Variants in HDAC4 observed in about 807,000 individuals in gnomAD.
The protein encoded by HDAC4 is histone deacetylase 4.
HDAC4 carries 16 observed loss-of-function variants against 135.1 expected under a neutral mutation model. The ratio of observed to expected loss-of-function variants is 0.12; its 90% confidence interval spans 0.08 to 0.18. HDAC4 has a LOEUF of 0.18. Among genes scored for constraint, HDAC4 ranks in the 10% least tolerant of loss-of-function variants. The pLI is 1.00. For missense variants in HDAC4, 1,143 were observed against 1,511.8 expected (o/e 0.76, Z 4.05); for synonymous variants, 685 against 653.4 (o/e 1.05, Z -0.74).
Position 239,313,909 on chromosome 2 carries a change from C to T in HDAC4, c.22+38769G>A, listed in dbSNP as rs188677377. ...CCTGCACTGCCTCTTACCACTGCAC[C>T]GTCCCTGTGAGTGTGCGTGGGGAGG... On this transcript the variant is annotated intron_variant, in intron 2 of 26. Transcript: ENST00000543185. The surrounding 1 kb of genome is among the most constrained non-coding windows in gnomAD (Gnocchi z 5.1). Among the ~76,000 whole-genome samples, 12 of 152,258 alleles carry T rather than the reference C, an allele frequency of 7.9e-5. No homozygotes were observed. Among genetic ancestry groups the T allele is most frequent in the Admixed American group, 5.2e-4 (8 of 15,290 alleles).
Position 239,236,324 on chromosome 2 carries a change from C to A in HDAC4, c.94+269G>T, listed in dbSNP as rs6757396. Among the ~76,000 whole-genome samples, 21,778 of 152,118 alleles carry A rather than the reference C, an allele frequency of 0.14. 2,191 individuals are homozygous for A. The highest frequency in any genetic ancestry group is 0.37 in the East Asian group (1,925 of 5,156). On this transcript the variant is annotated intron_variant, in intron 3 of 26. Transcript: ENST00000543185. ...TTACACCTAAGCCAGGCAGTTGGTG[C>A]CTTTGGGAAGAACACATCCTTTAGC...
intron 1 of HDAC4, among the ~76,000 whole-genome samples, chr2:239,390,469 G>T (rs1224060531): frequency 1.3e-5 from 2 of 152,180 alleles, no homozygotes; most frequent in Non-Finnish European, 2.9e-5. Context: ...GGAGATCAAG[G>T]TTGCAGTGAG....
rs988815529 is a variant in HDAC4, at chr2:239,052,901, G to A, written c.*196C>T. 2.6e-5 allele frequency: 17 copies of A among 643,486 alleles called. No homozygotes were observed. The highest frequency in any genetic ancestry group is 5.5e-5 in the East Asian group (2 of 36,354). The allele number at this position is 643,486 out of a possible 1,614,324, so 39.9% of individuals were successfully genotyped here. On this transcript the variant is annotated 3_prime_UTR_variant, in exon 27 of 27. Coordinates refer to ENST00000543185, the MANE Select transcript of HDAC4 (RefSeq NM_001378414.1). ...CCCGTGTTCCCTGTGAGGCTGCCAC[G>A]CCCAGGCGTGCATGTGCGTCTCGAG...
intron 16 of HDAC4, among the ~76,000 whole-genome samples, chr2:239,099,697 C>T (rs890411849): frequency 6.6e-6 from 1 of 152,202 alleles, no homozygotes; most frequent in Non-Finnish European, 1.5e-5. Flanking sequence ...CCCGCCTCCG[C>T]TAGGTACTCC....
chr2:239,119,224 G>A (rs1017815875), intron 12 of HDAC4, among the ~76,000 whole-genome samples: 2 of 152,232 alleles, frequency 1.3e-5, no homozygotes, highest in African/African-American at 4.8e-5. Flanking sequence ...GTGCACCGGA[G>A]GGAGAGCAAA....
chr2:239,159,585 C>T (rs2042658481), intron 6 of HDAC4, among the ~76,000 whole-genome samples: 1 of 151,824 alleles, frequency 6.6e-6, no homozygotes, highest in South Asian at 2.1e-4. Context: ...ACCTTTCCCA[C>T]ACCTCACACT....
At chr2:239,089,771 G>T in intron 18 of HDAC4, 9 of 498,946 alleles carry the variant, frequency 1.8e-5, no homozygotes, top group East Asian at 6.5e-5. Context: ...AGAGTATAAA[G>T]GGTTCTTAAG....
At position 239,068,445 on chromosome 2, in the gene HDAC4, ACATGAGCAGAACCGGCTCCTCAGT is replaced by A. The variant is rs1231116099; in HGVS notation, c.2869+20_2869+43del. The A allele has an allele frequency of 7.4e-7, 1 of 1,354,474 alleles. No homozygotes were observed. Among genetic ancestry groups the A allele is most frequent in the Admixed American group, 1.7e-5 (1 of 59,648 alleles). 83.9% of individuals were successfully genotyped at this position (1,354,474 alleles called of 1,614,324 possible). On this transcript the variant is annotated intron_variant, in intron 23 of 26. Transcript: ENST00000543185. This position sits in a 1 kb window ranked among gnomAD's most constrained non-coding sequence, Gnocchi z 4.4. ...ACACGCGGAACACAGCGGATCATGG[ACATGAGCAGAACCGGCTCCTCAGT>A]CATATGCAGAACCACTTACATCTGG... is the stretch of plus-strand genomic sequence containing the variant.
chr2:239,247,952 T>A (rs2048561642), intron 2 of HDAC4, among the ~76,000 whole-genome samples: 1 of 152,168 alleles, frequency 6.6e-6, no homozygotes, highest in Non-Finnish European at 1.5e-5. Context: ...ATGCCAAGTT[T>A]AAGGCAGCAT....
intron 2 of HDAC4, among the ~76,000 whole-genome samples, chr2:239,310,547 G>A (rs990865625): frequency 7.9e-5 from 12 of 152,232 alleles, no homozygotes; most frequent in African/African-American, 2.7e-4. Flanking sequence ...ACTGCGTAGG[G>A]CAGGACTGCC....
At chr2:239,288,088 A>C (rs2051238534) in intron 2 of HDAC4, among the ~76,000 whole-genome samples, 1 of 152,254 alleles carries the variant, frequency 6.6e-6, no homozygotes, top group African/African-American at 2.4e-5. Flanking sequence ...AGACCTTAAA[A>C]AAGGAAAATT....
chr2:239,383,225 A>C (rs551513062), intron 1 of HDAC4, among the ~76,000 whole-genome samples: 1 of 152,300 alleles, frequency 6.6e-6, no homozygotes, highest in Non-Finnish European at 1.5e-5. Flanking sequence ...GCTCCAGCCC[A>C]CAGGGGGAAT....
chr2:239,298,011 T>C (rs957080523), intron 2 of HDAC4, among the ~76,000 whole-genome samples: 3 of 152,048 alleles, frequency 2.0e-5, no homozygotes, highest in Non-Finnish European at 4.4e-5. Flanking sequence ...GATGCTGAGA[T>C]GAGAAGACAC....
rs750559742 is a variant in HDAC4 at position 239,066,671 on chromosome 2, C to A, written c.3003+51G>T. The A allele has an allele frequency of 1.9e-6, 3 of 1,611,926 alleles. No homozygotes were observed. In the African/African-American group the frequency reaches 4.0e-5, roughly 22 times the overall value. On this transcript the variant is annotated intron_variant, in intron 24 of 26. Transcript: ENST00000543185. ...GGCTCTCGGGCAGCCAGGCCACAAC[C>A]CCGAGCCTGTCAGTGTGGAGCATCC...
intron 15 of HDAC4, among the ~76,000 whole-genome samples, chr2:239,107,373 C>G (rs2038246523): frequency 6.6e-6 from 1 of 152,250 alleles, no homozygotes; most frequent in South Asian, 2.1e-4. Context: ...AGGCCGCTGC[C>G]ATCGCCTGGC....
intron 3 of HDAC4, among the ~76,000 whole-genome samples, chr2:239,211,130 T>A (rs545255878): frequency 6.6e-6 from 1 of 152,250 alleles, no homozygotes; most frequent in East Asian, 1.9e-4. Flanking sequence ...CTAGCTTTCA[T>A]GCATCGAAAA....
chr2:239,125,249 T>C (rs74000701), intron 12 of HDAC4, among the ~76,000 whole-genome samples: 1,822 of 152,340 alleles, frequency 0.012, 37 homozygotes, highest in African/African-American at 0.042. Context: ...CTGTTGGTGC[T>C]GTCCTCACTG....
chr2:239,329,815 T>C (rs1691437704), intron 2 of HDAC4, among the ~76,000 whole-genome samples: 1 of 152,060 alleles, frequency 6.6e-6, no homozygotes, highest in African/African-American at 2.4e-5. Flanking sequence ...CCTGCCTCAC[T>C]GGATCTTCAC....
rs1450658080 is a variant in HDAC4, at chr2:239,331,291, A to G, written c.22+21387T>C. 1.3e-5 allele frequency among the ~76,000 whole-genome samples: 2 copies of G among 151,684 alleles called. No homozygotes were observed. The highest frequency in any genetic ancestry group is 2.9e-5 in the Non-Finnish European group (2 of 67,942). ...GAAAACGGTAAAAGCCACGAGAAGG[A>G]GGCAGGATGGGGGAGGGAAGACAAG... is the stretch of plus-strand genomic sequence containing the variant. On this transcript the variant is annotated intron_variant, in intron 2 of 26. Coordinates refer to ENST00000543185, the MANE Select transcript of HDAC4 (RefSeq NM_001378414.1). This position sits in a 1 kb window ranked among gnomAD's most constrained non-coding sequence, Gnocchi z 4.5.
Sources: gnomAD v4.1 joint callset for allele counts (sites outside exome capture counted in the v4.1 genomes callset) on GRCh38, gnomAD v4.1.1 for gene constraint, Gnocchi (gnomAD v3.1) non-coding constraint, MANE v1.5 for transcripts, NCBI Gene and HGNC (gene_info 2026-07-23, HGNC 2026-07-21) for gene names.